Variants in VIPR1 observed in about 807,000 individuals in gnomAD.
VIPR1 encodes vasoactive intestinal polypeptide receptor 1.
In VIPR1, 59 loss-of-function variants were observed where a neutral mutation model predicts 58.8. That is an observed-to-expected ratio of 1.00 (90% CI 0.81 to 1.25). The LOEUF (loss-of-function observed/expected upper bound fraction) is 1.25. Ranked by LOEUF, VIPR1 falls within the 50% of genes most tolerant of loss-of-function variation. The pLI, the probability that VIPR1 is intolerant of heterozygous loss-of-function variation, is 0.00. For synonymous variants in VIPR1, 251 were observed against 242.1 expected (o/e 1.04, Z -0.34); for missense variants, 626 against 602.7 (o/e 1.04, Z -0.40).
intron 3 of VIPR1, chr3:42,519,653 C>A: frequency 4.6e-6 from 1 of 216,190 alleles, no homozygotes; most frequent in Non-Finnish European, 9.1e-6. Context: ...TCTTTCGATG[C>A]CTGGAGCCTA....
At chr3:42,520,267 C>G (rs950694728) in intron 3 of VIPR1, among the ~76,000 whole-genome samples, 1 of 152,112 alleles carries the variant, frequency 6.6e-6, no homozygotes, top group African/African-American at 2.4e-5. Context: ...ACAGGTGCGC[C>G]GAGGCCAGAC....
At position 42,514,163 on chromosome 3, in the gene VIPR1, C is replaced by T. The variant is rs1408852557; in HGVS notation, c.184+309C>T. ...GAAAAGTGAAGATCTCCATGGCGGC[C>T]AGCCCACCCAGGACACAAGGCCCAG... On this transcript the variant is annotated intron_variant, in intron 2 of 12. Coordinates refer to ENST00000325123, the MANE Select transcript of VIPR1 (RefSeq NM_004624.4). Among the ~76,000 whole-genome samples, 3 of 152,220 alleles carry T rather than the reference C, an allele frequency of 2.0e-5. No homozygotes were observed. The East Asian group carries it at 5.8e-4, about 29-fold the overall frequency.
chr3:42,532,218 C>T (rs377154417), intron 9 of VIPR1, 24 bp from the exon 10 acceptor site: 52 of 1,613,170 alleles, frequency 3.2e-5, no homozygotes, highest in South Asian at 2.3e-4. Context: ...TCTGACTGCC[C>T]GAACTCGGGT....
chr3:42,536,102 C>G lies in VIPR1; in HGVS notation c.1195C>G (p.Leu399Val), dbSNP rs761769126. The change falls in exon 13 of 13, where the codon CTG (leucine) becomes GTG (valine). Residue 399 changes from leucine to valine, a missense_variant. Coordinates refer to ENST00000325123, the MANE Select transcript of VIPR1 (RefSeq NM_004624.4). ...TCCCCTCTCCTAGGTGCAGGCGGAG[C>G]TGAGGCGGAAGTGGCGGCGCTGGCA... The part of the protein sequence containing the change: ...CFLNGEVQAE[L>V]RRKWRRWHLQ... 4 of 1,602,538 alleles carry G rather than the reference C, an allele frequency of 2.5e-6. No homozygotes were observed. The highest frequency in any genetic ancestry group is 2.3e-5 in the South Asian group (2 of 88,582).
rs1369122530 is a variant in VIPR1 at position 42,517,134 on chromosome 3, G to A, written c.185-2089G>A. On this transcript the variant is annotated intron_variant, in intron 2 of 12. Transcript: ENST00000325123. Reference sequence around the variant, plus strand: ...CTGGCCAAGCCCTAGGGATCCAGGTGTCCTCCTCAGCCTTCAGCTATAGAT... The same window carrying A: ...CTGGCCAAGCCCTAGGGATCCAGGTATCCTCCTCAGCCTTCAGCTATAGAT... 2.0e-5 allele frequency among the ~76,000 whole-genome samples: 3 copies of A among 152,338 alleles called. No homozygotes were observed. In the South Asian group the frequency reaches 6.2e-4, roughly 32 times the overall value.
At chr3:42,532,434 C>T in intron 10 of VIPR1, 101 bp downstream of exon 10, 3 of 1,241,998 alleles carry the variant, frequency 2.4e-6, no homozygotes, top group Non-Finnish European at 3.5e-6. Flanking sequence ...CATCCAGAGT[C>T]ACCAAAGAGC....
chr3:42,498,515 C>G (rs1009085403), upstream of VIPR1, among the ~76,000 whole-genome samples: 2 of 152,208 alleles, frequency 1.3e-5, no homozygotes, highest in Non-Finnish European at 2.9e-5. Context: ...AGGACCTGAA[C>G]TGACACACCT....
At chr3:42,531,973 C>T (rs183091894) in intron 9 of VIPR1, 104 bp downstream of exon 9, 25 of 1,344,574 alleles carry the variant, frequency 1.9e-5, no homozygotes, top group Admixed American at 9.4e-5. Flanking sequence ...AGAACTGAAA[C>T]GTAGCTTCCT....
intron 1 of VIPR1, among the ~76,000 whole-genome samples, chr3:42,496,035 G>A (rs1256092510): frequency 3.9e-5 from 6 of 152,136 alleles, no homozygotes; most frequent in South Asian, 4.2e-4. Flanking sequence ...GTAGGAGTTC[G>A]AGACCAGCCT....
At chr3:42,520,515 T>C (rs1700862791) in intron 3 of VIPR1, among the ~76,000 whole-genome samples, 1 of 151,444 alleles carries the variant, frequency 6.6e-6, no homozygotes. Flanking sequence ...GTGGGAGAGT[T>C]GTTTATGGAG....
intron 2 of VIPR1, among the ~76,000 whole-genome samples, chr3:42,518,465 G>A (rs559330915): frequency 3.9e-5 from 6 of 152,310 alleles, no homozygotes; most frequent in Non-Finnish European, 8.8e-5. Context: ...TTGGCCGGGC[G>A]CGGTGGCTCA....
At chr3:42,505,167 G>A (rs1008454233) in intron 1 of VIPR1, among the ~76,000 whole-genome samples, 6 of 152,212 alleles carry the variant, frequency 3.9e-5, no homozygotes, top group Non-Finnish European at 8.8e-5. Context: ...CCAGGTGGAT[G>A]TGGGGTACAG....
intron 11 of VIPR1, 23 bp from the exon 12 acceptor site, chr3:42,535,320 T>C: frequency 6.2e-7 from 1 of 1,613,842 alleles, no homozygotes; most frequent in East Asian, 2.2e-5. Context: ...CTACCTCACC[T>C]CTCCTGTCAT....
At position 42,535,292 on chromosome 3, in the gene VIPR1, T is replaced by C. The variant is rs372584507; in HGVS notation, c.1141-51T>C. On this transcript the variant is annotated intron_variant, in intron 11 of 12. Transcript: ENST00000325123. ...GCTGGAGCCAGGGGTGGGGCAGGGC[T>C]GGGGGCTTCTGGTCTGTCTACCTCA... 4 of 1,605,724 alleles carry C rather than the reference T, an allele frequency of 2.5e-6. No homozygotes were observed. In the African/African-American group the frequency reaches 5.4e-5, roughly 21 times the overall value.
intron 3 of VIPR1, among the ~76,000 whole-genome samples, chr3:42,522,094 TA>T: frequency 3.9e-5 from 2 of 50,820 alleles, no homozygotes; most frequent in African/African-American, 2.5e-4. Context: ...TATATATATA[TA>T]TATATATTTT....
intron 2 of VIPR1, 60 bp downstream of exon 2, chr3:42,513,914 G>C: frequency 6.6e-7 from 1 of 1,510,608 alleles, no homozygotes; most frequent in Non-Finnish European, 9.0e-7. Flanking sequence ...GATTCCTCAT[G>C]TCTCAAGCTG....
chr3:42,507,254 G>A (rs960968193), intron 1 of VIPR1: 4 of 152,332 alleles, frequency 2.6e-5, no homozygotes, highest in South Asian at 2.1e-4. Flanking sequence ...TGGTCTTCTC[G>A]CAGGAGTTTC....
In VIPR1 at chr3:42,536,776, C is replaced by T. The variant is rs1167451965; in HGVS notation, c.*495C>T. 6.5e-6 allele frequency: 1 copy of T among 154,166 alleles called. No individual in the cohort carries two copies. Among genetic ancestry groups the T allele is most frequent in the African/African-American group, 2.4e-5 (1 of 41,546 alleles). 9.5% of individuals were successfully genotyped at this position (154,166 alleles called of 1,614,324 possible). A position where few individuals can be genotyped will look rare whatever the true frequency, so the allele number is the denominator to read the frequency against. On this transcript the variant is annotated 3_prime_UTR_variant, in exon 13 of 13. Transcript: ENST00000325123. The stretch of plus-strand genomic sequence containing the variant: ...AGTTCCTTTGGGTTAAGCATTACCA[C>T]TCAGGCATTTGACTGAAGATGCAGC...
chr3:42,507,273 G>T (rs372661042), intron 1 of VIPR1: 11 of 152,378 alleles, frequency 7.2e-5, no homozygotes, highest in African/African-American at 2.2e-4. Flanking sequence ...TCATGTCTGT[G>T]TCTGACGGGA....
Sources: gnomAD v4.1 joint callset for allele counts (sites outside exome capture counted in the v4.1 genomes callset) on GRCh38, gnomAD v4.1.1 for gene constraint, MANE v1.5 for transcripts, NCBI Gene and HGNC (gene_info 2026-07-23, HGNC 2026-07-21) for gene names.